Variants in PTPRD observed in about 807,000 individuals in gnomAD.
PTPRD encodes the protein receptor-type tyrosine-protein phosphatase delta.
A neutral mutation model predicts 214.5 loss-of-function variants in PTPRD; 34 were observed. The ratio of observed to expected loss-of-function variants is 0.16; its 90% confidence interval spans 0.12 to 0.21. The LOEUF (loss-of-function observed/expected upper bound fraction) is 0.21. PTPRD is among the 10% of genes least tolerant of loss of function. The pLI, the probability that PTPRD is intolerant of heterozygous loss-of-function variation, is 1.00. For synonymous variants in PTPRD, 1,128 were observed against 845.7 expected (o/e 1.33, Z -5.79); for missense variants, 2,545 against 2,398.7 (o/e 1.06, Z -1.27).
intron 3 of PTPRD, among the ~76,000 whole-genome samples, chr9:10,056,293 C>A (rs564610050): frequency 3.6e-4 from 55 of 151,106 alleles, no homozygotes; most frequent in Admixed American, 1.3e-3. Context: ...TGCATTCCAA[C>A]CTGGGTGACA....
chr9:9,161,084 G>C (rs1050145686), intron 10 of PTPRD, among the ~76,000 whole-genome samples: 1 of 152,072 alleles, frequency 6.6e-6, no homozygotes, highest in African/African-American at 2.4e-5. Flanking sequence ...TTGGTCAAGG[G>C]ATACAAAGTT....
intron 3 of PTPRD, among the ~76,000 whole-genome samples, chr9:10,201,899 CT>C (rs148679767): frequency 6.6e-5 from 10 of 150,522 alleles, no homozygotes; most frequent in Non-Finnish European, 7.4e-5. Context: ...TTTCAGTAAA[CT>C]TTTTTTTTTC....
At chr9:9,717,395 T>G (rs1186834752) in intron 7 of PTPRD, among the ~76,000 whole-genome samples, 3 of 152,174 alleles carry the variant, frequency 2.0e-5, no homozygotes, top group Non-Finnish European at 4.4e-5. Flanking sequence ...AAGAAAGTCA[T>G]TGGTAGCTTG....
chr9:9,524,664 C>A (rs2073596368), intron 8 of PTPRD, among the ~76,000 whole-genome samples: 1 of 152,144 alleles, frequency 6.6e-6, no homozygotes, highest in South Asian at 2.1e-4. Flanking sequence ...ATTATTCTAT[C>A]CTTAACGTAT....
chr9:10,261,871 T>C (rs1391203250), intron 3 of PTPRD, among the ~76,000 whole-genome samples: 1 of 152,120 alleles, frequency 6.6e-6, no homozygotes, highest in Non-Finnish European at 1.5e-5. Context: ...GGTATACTAG[T>C]CTGCTGGGAA....
chr9:10,189,699 A>T (rs2154318195), intron 3 of PTPRD, among the ~76,000 whole-genome samples: 1 of 152,340 alleles, frequency 6.6e-6, no homozygotes, highest in Non-Finnish European at 1.5e-5. Context: ...CTGTAAAAAA[A>T]AATATTTTAA....
intron 9 of PTPRD, among the ~76,000 whole-genome samples, chr9:9,347,230 A>G (rs1041761540): frequency 3.3e-5 from 5 of 151,120 alleles, no homozygotes; most frequent in Non-Finnish European, 7.4e-5. Flanking sequence ...TTACACATGA[A>G]CTCTGTTGCA....
intron 12 of PTPRD, chr9:8,713,961 C>T: frequency 3.2e-6 from 2 of 623,350 alleles, no homozygotes; most frequent in South Asian, 3.9e-5. Flanking sequence ...TTAGTGAGGC[C>T]TGACCTTGGT....
intron 5 of PTPRD, among the ~76,000 whole-genome samples, chr9:9,769,618 GC>G (rs751524379): frequency 6.6e-6 from 1 of 151,378 alleles, no homozygotes; most frequent in African/African-American, 2.4e-5. Context: ...GAGCCACCGT[GC>G]CCGGCCACCA....
chr9:8,805,690 C>A (rs1312496846), intron 11 of PTPRD, among the ~76,000 whole-genome samples: 6 of 151,382 alleles, frequency 4.0e-5, no homozygotes, highest in East Asian at 2.0e-4. Context: ...GCAACCTCCA[C>A]CCCCTGGGTT....
At chr9:10,529,441 C>A (rs1445196475) in intron 2 of PTPRD, among the ~76,000 whole-genome samples, 1 of 151,874 alleles carries the variant, frequency 6.6e-6, no homozygotes, top group Non-Finnish European at 1.5e-5. Context: ...AAGCTGGAAA[C>A]CTTCATTCTC....
chr9:8,451,386 G>A (rs1285415185), intron 33 of PTPRD, among the ~76,000 whole-genome samples: 6 of 152,140 alleles, frequency 3.9e-5, no homozygotes, highest in Non-Finnish European at 7.3e-5. Context: ...TCTGCGACCT[G>A]CCAAGGTACT....
At chr9:10,108,674 A>G (rs957442934) in intron 3 of PTPRD, among the ~76,000 whole-genome samples, 2 of 152,106 alleles carry the variant, frequency 1.3e-5, no homozygotes, top group Non-Finnish European at 2.9e-5. Context: ...TCTCATATTT[A>G]CTGCAGCATT....
intron 11 of PTPRD, among the ~76,000 whole-genome samples, chr9:8,808,791 G>T (rs185911423): frequency 6.2e-4 from 94 of 152,092 alleles, no homozygotes; most frequent in African/African-American, 2.1e-3. Flanking sequence ...TTCTTCCTAG[G>T]ACCCAGACTG....
chr9:8,800,817 G>C (rs1428548388), intron 11 of PTPRD, among the ~76,000 whole-genome samples: 1 of 152,108 alleles, frequency 6.6e-6, no homozygotes, highest in East Asian at 1.9e-4. Context: ...CATGGGGTCT[G>C]GATTGGGACC....
intron 7 of PTPRD, among the ~76,000 whole-genome samples, chr9:9,644,752 C>G (rs969068310): frequency 1.3e-5 from 2 of 152,092 alleles, no homozygotes; most frequent in Admixed American, 6.6e-5. Flanking sequence ...ACATCCTGTA[C>G]CCATAAAAAC....
chr9:10,091,066 G>A (rs2098424527), intron 3 of PTPRD, among the ~76,000 whole-genome samples: 1 of 150,914 alleles, frequency 6.6e-6, no homozygotes, highest in Non-Finnish European at 1.5e-5. Context: ...CCTGGTATAT[G>A]TAAAACAAAT....
At chr9:10,557,166 T>C (rs558570931) in intron 2 of PTPRD, among the ~76,000 whole-genome samples, 77 of 152,226 alleles carry the variant, frequency 5.1e-4, no homozygotes, top group Admixed American at 5.9e-4. Context: ...AGAAGATTTA[T>C]ATTAAGGAAA....
At chr9:9,327,841 T>C (rs961333026) in intron 9 of PTPRD, among the ~76,000 whole-genome samples, 1 of 151,604 alleles carries the variant, frequency 6.6e-6, no homozygotes, top group Admixed American at 6.6e-5. Flanking sequence ...CTGGGCCACG[T>C]TGGAAGAAGA....
Sources: allele counts gnomAD v4.1 joint callset (sites outside exome capture counted in the v4.1 genomes callset), GRCh38; gene constraint gnomAD v4.1.1; transcripts MANE v1.5; gene names NCBI Gene and HGNC (gene_info 2026-07-23, HGNC 2026-07-21).